Variants in CTNNA2 observed in about 807,000 individuals in gnomAD.
The protein encoded by CTNNA2 is catenin alpha-2.
CTNNA2 carries 42 observed loss-of-function variants against 101.0 expected under a neutral mutation model. The ratio of observed to expected loss-of-function variants is 0.42; its 90% CI spans 0.32 to 0.54. The LOEUF (loss-of-function observed/expected upper bound fraction) is 0.54. CTNNA2 is among the 20% of genes least tolerant of loss of function. CTNNA2 has a pLI of 0.14. For missense variants in CTNNA2, 871 were observed against 1,223.1 expected (o/e 0.71, Z 4.29); for synonymous variants, 450 against 456.4 (o/e 0.99, Z 0.18).
intron 3 of CTNNA2, among the ~76,000 whole-genome samples, chr2:79,328,463 G>A (rs536514124): frequency 6.6e-6 from 1 of 152,146 alleles, no homozygotes; most frequent in Admixed American, 6.5e-5. Flanking sequence ...TGAATTTGGG[G>A]ATCATATATC....
intron 15 of CTNNA2, among the ~76,000 whole-genome samples, chr2:80,596,832 A>T (rs199786502): frequency 6.6e-6 from 1 of 152,070 alleles, no homozygotes; most frequent in East Asian, 1.9e-4. Flanking sequence ...TCAGTTTGAT[A>T]TTGGGTATGG....
chr2:80,604,107 C>T lies in CTNNA2; in HGVS notation c.2223C>T (p.Val741=). Residue 741 remains valine (V), a synonymous_variant, in exon 16 of 19, where the codon GTC becomes GTT. Coordinates refer to ENST00000402739, the MANE Select transcript of CTNNA2 (RefSeq NM_001282597.3). ...GCCCATTGAAAAATACATCTGATGTCATTAATGCTGCCAAGAAAATTGCCG... is the reference window on the plus strand; with the variant it reads ...GCCCATTGAAAAATACATCTGATGTTATTAATGCTGCCAAGAAAATTGCCG... ...GKGPLKNTSD[V]INAAKKIAEA... 6.2e-7 allele frequency: 1 copy of T among 1,613,050 alleles called. No homozygotes were observed. Among genetic ancestry groups the T allele is most frequent in the Non-Finnish European group, 8.5e-7 (1 of 1,179,424 alleles).
At chr2:80,167,350 A>T (rs1314455988) in intron 7 of CTNNA2, among the ~76,000 whole-genome samples, 1 of 152,236 alleles carries the variant, frequency 6.6e-6, no homozygotes, top group Non-Finnish European at 1.5e-5. Context: ...AGGTTATTTT[A>T]TCAAAAAGTT....
intron 7 of CTNNA2, among the ~76,000 whole-genome samples, chr2:80,126,463 C>G (rs1037254192): frequency 6.7e-6 from 1 of 149,486 alleles, no homozygotes; most frequent in Non-Finnish European, 1.5e-5. Context: ...CTACCATTCT[C>G]TCTCTCTCTC....
At chr2:80,285,391 T>C (rs1165084061) in intron 7 of CTNNA2, among the ~76,000 whole-genome samples, 3 of 152,234 alleles carry the variant, frequency 2.0e-5, no homozygotes, top group Non-Finnish European at 4.4e-5. Flanking sequence ...ATTATTTTAA[T>C]GTCTTAATAA....
At chr2:80,423,726 A>G (rs1190002065) in intron 9 of CTNNA2, among the ~76,000 whole-genome samples, 1 of 152,164 alleles carries the variant, frequency 6.6e-6, no homozygotes, top group East Asian at 1.9e-4. Context: ...ACAGCAGAGC[A>G]GGCAACCATG....
At chr2:80,117,182 A>G (rs1256259381) in intron 7 of CTNNA2, among the ~76,000 whole-genome samples, 1 of 152,120 alleles carries the variant, frequency 6.6e-6, no homozygotes, top group African/African-American at 2.4e-5. Flanking sequence ...TTGGACCTTT[A>G]GGCAAGACAG....
At chr2:79,408,196 T>C (rs1214396537) in intron 4 of CTNNA2, among the ~76,000 whole-genome samples, 1 of 152,012 alleles carries the variant, frequency 6.6e-6, no homozygotes, top group Non-Finnish European at 1.5e-5. Context: ...CATCCACTTC[T>C]TCCTCCATGC....
Position 79,870,061 on chromosome 2 carries a change from G to T in CTNNA2, c.585+126G>T. 6.4e-6 allele frequency: 8 copies of T among 1,249,220 alleles called. No homozygotes were observed. In the South Asian group the frequency reaches 1.0e-4, roughly 16 times the overall value. The allele number at this position is 1,249,220 out of a possible 1,614,324, so 77.4% of individuals were successfully genotyped here. ...ATCAAATGCCCTAAGAACCTGTGAT[G>T]ACAAAGGTTGCTTCCTGCAGGGGCC... On this transcript the variant is annotated intron_variant, in intron 5 of 18. Transcript: ENST00000402739.
intron 9 of CTNNA2, among the ~76,000 whole-genome samples, chr2:80,426,748 C>T (rs1231120846): frequency 6.6e-6 from 1 of 151,916 alleles, no homozygotes; most frequent in Non-Finnish European, 1.5e-5. Context: ...CTTCCTCCAC[C>T]ACCCCCAACA....
intron 9 of CTNNA2, among the ~76,000 whole-genome samples, chr2:80,450,891 A>T (rs564728012): frequency 5.9e-5 from 9 of 152,238 alleles, no homozygotes; most frequent in African/African-American, 1.7e-4. Flanking sequence ...ACTTGAGAGG[A>T]ACAATTCTAT....
intron 1 of CTNNA2, among the ~76,000 whole-genome samples, chr2:79,640,449 T>C (rs1034553654): frequency 6.6e-6 from 1 of 152,186 alleles, no homozygotes; most frequent in Non-Finnish European, 1.5e-5. Context: ...GGGTACAATT[T>C]AACACATGTT....
chr2:80,008,912 A>G (rs1471862931), intron 7 of CTNNA2, among the ~76,000 whole-genome samples: 1 of 152,216 alleles, frequency 6.6e-6, no homozygotes, highest in Non-Finnish European at 1.5e-5. Flanking sequence ...GTGCAGAACA[A>G]GATGTTAGCA....
intron 7 of CTNNA2, among the ~76,000 whole-genome samples, chr2:80,346,676 T>C (rs1478680029): frequency 6.6e-6 from 1 of 152,232 alleles, no homozygotes; most frequent in African/African-American, 2.4e-5. Flanking sequence ...TTGATCATGA[T>C]GCATTTCCAA....
At chr2:80,485,018 T>TAAC (rs1249085533) in intron 9 of CTNNA2, among the ~76,000 whole-genome samples, 1 of 151,956 alleles carries the variant, frequency 6.6e-6, no homozygotes, top group South Asian at 2.1e-4. Flanking sequence ...ATAATAATAA[T>TAAC]AACAATAATA....
chr2:80,237,284 T>C (rs1478423188), intron 7 of CTNNA2, among the ~76,000 whole-genome samples: 1 of 152,198 alleles, frequency 6.6e-6, no homozygotes, highest in Admixed American at 6.5e-5. Context: ...TGCTAAAAAA[T>C]TGAATAATGT....
rs75426776 is a variant in CTNNA2 at position 80,063,831 on chromosome 2, G to A, written c.1056+154034G>A. Among the ~76,000 whole-genome samples, 610 of 152,172 alleles carry A rather than the reference G, an allele frequency of 4.0e-3. 8 individuals are homozygous for A. Among genetic ancestry groups the A allele is most frequent in the African/African-American group, 0.014 (590 of 41,524 alleles). On this transcript the variant is annotated intron_variant, in intron 7 of 18. Transcript: ENST00000402739. Reference sequence around the variant, plus strand: ...CCATCCCAGGATAATAGACTATTTAGCATTTTATCATTTCCAAAGTATAAG... The same window carrying A: ...CCATCCCAGGATAATAGACTATTTAACATTTTATCATTTCCAAAGTATAAG...
Position 79,900,327 on chromosome 2 carries a change from G to A in CTNNA2, c.853-9267G>A, listed in dbSNP as rs116883917. 3.3e-4 allele frequency among the ~76,000 whole-genome samples: 50 copies of A among 152,272 alleles called. 3 individuals are homozygous for A. The East Asian group carries it at 9.5e-3, about 29-fold the overall frequency. ...TTTAAGAAGGATTCCATAGTGAAGA[G>A]TTAATCAGTAGGTATTGCTGGACTT... On this transcript the variant is annotated intron_variant, in intron 6 of 18. Coordinates refer to ENST00000402739, the MANE Select transcript of CTNNA2 (RefSeq NM_001282597.3).
chr2:80,373,553 C>G (rs1035976990), intron 7 of CTNNA2, among the ~76,000 whole-genome samples: 9 of 152,158 alleles, frequency 5.9e-5, no homozygotes, highest in African/African-American at 2.2e-4. Context: ...AAATTTGTCT[C>G]TGGATGCTTA....
Sources: gnomAD v4.1 joint callset for allele counts (sites outside exome capture counted in the v4.1 genomes callset) on GRCh38, gnomAD v4.1.1 for gene constraint, MANE v1.5 for transcripts, NCBI Gene and HGNC (gene_info 2026-07-23, HGNC 2026-07-21) for gene names.